The following ANKRD44 variants were observed in gnomAD, a reference collection of about 807,000 sequenced individuals.
ANKRD44 encodes the protein serine/threonine-protein phosphatase 6 regulatory ankyrin repeat subunit B.
Under a neutral mutation model 116.0 loss-of-function variants are expected in ANKRD44, and 35 were observed. That is an observed-to-expected ratio of 0.30 (90% CI 0.23 to 0.40). ANKRD44 has a LOEUF of 0.40. Ranked by LOEUF, ANKRD44 falls within the 10% of genes least tolerant of loss-of-function variation. ANKRD44 has a pLI of 1.00. For missense variants in ANKRD44, 1,014 were observed against 1,242.6 expected, an observed-to-expected ratio of 0.82 and a Z score of 2.77; for synonymous variants, 435 against 461.8, an observed-to-expected ratio of 0.94 and a Z score of 0.74.
In ANKRD44 at chr2:197,081,648, G is replaced by T. The variant is rs772774703; in HGVS notation, c.1535C>A (p.Thr512Lys). The stretch of plus-strand genomic sequence containing the variant: ...CTTAAGCTGAGAAGAAACTTACAGT[G>T]TGGCTTCCTTTTCCTTCAGCTCCCT... ...RARELKEKEA[T>K]LCLEFLLQND... The change falls in exon 15 of 28, where the codon ACA becomes AAA. Residue 512 changes from threonine to lysine, a missense_variant. Thr to Lys is a moderately conservative substitution (Grantham distance 78). Transcript: ENST00000282272. 11 of 1,613,340 alleles carry T rather than the reference G, an allele frequency of 6.8e-6. No individual in the cohort carries two copies. The African/African-American group carries it at 1.1e-4, about 16-fold the overall frequency.
At chr2:197,016,024 G>GA (rs2076386280) in intron 17 of ANKRD44, 1 of 534,304 alleles carries the variant, frequency 1.9e-6, no homozygotes, top group South Asian at 1.4e-5. Flanking sequence ...AAAAACAGCA[G>GA]AAAAGGGCTA....
chr2:197,308,709 T>G (rs978716748), intron 1 of ANKRD44, among the ~76,000 whole-genome samples: 1 of 152,238 alleles, frequency 6.6e-6, no homozygotes, highest in Admixed American at 6.5e-5. Context: ...AAAGGCAACA[T>G]CTTTGAAATT....
At chr2:197,082,236 G>A (rs2077814023) in intron 14 of ANKRD44, among the ~76,000 whole-genome samples, 3 of 152,112 alleles carry the variant, frequency 2.0e-5, no homozygotes, top group Admixed American at 1.3e-4. Flanking sequence ...CCAATGAATT[G>A]CCTGGAGCTT....
intron 1 of ANKRD44, among the ~76,000 whole-genome samples, chr2:197,256,322 CAA>C (rs1271048994): frequency 6.6e-6 from 1 of 152,176 alleles, no homozygotes; most frequent in Non-Finnish European, 1.5e-5. Flanking sequence ...AGCATGAGTA[CAA>C]AAGATTCCTG....
In ANKRD44 at chr2:196,996,298, A is replaced by G. The variant is rs184984772; in HGVS notation, c.2749-837T>C. Among the ~76,000 whole-genome samples the G allele has an allele frequency of 8.1e-4, 124 of 152,348 alleles. 1 individual carries two copies. The highest frequency in any genetic ancestry group is 2.7e-3 in the African/African-American group (114 of 41,590). On this transcript the variant is annotated intron_variant, in intron 25 of 27. Transcript: ENST00000282272. ...TTGCACTTATATTCACCAAAATACT[A>G]TACCTTGAAATAAACTTCATAAGGC...
chr2:197,238,213 C>A (rs1474140316), intron 1 of ANKRD44, among the ~76,000 whole-genome samples: 1 of 152,174 alleles, frequency 6.6e-6, no homozygotes. Context: ...ACAGACTATG[C>A]CTGTTTGGCT....
In ANKRD44 at chr2:197,280,944, G is replaced by T. The variant is rs144787728; in HGVS notation, c.27+29634C>A. Among the ~76,000 whole-genome samples, 470 of 151,778 alleles carry T rather than the reference G, an allele frequency of 3.1e-3. 4 individuals carry two copies. Among genetic ancestry groups the T allele is most frequent in the African/African-American group, 0.011 (442 of 41,428 alleles). ...AGTCTGGTCAGTGGGGCCCAAAAAAGAAAATAAAATAAAAATAATTTTTAA... is the reference window on the plus strand; with the variant it reads ...AGTCTGGTCAGTGGGGCCCAAAAAATAAAATAAAATAAAAATAATTTTTAA... On this transcript the variant is annotated intron_variant, in intron 1 of 27. Coordinates refer to ENST00000282272, the MANE Select transcript of ANKRD44 (RefSeq NM_001195144.2).
At chr2:197,157,135 T>C (rs142720932) in intron 2 of ANKRD44, among the ~76,000 whole-genome samples, 265 of 151,988 alleles carry the variant, frequency 1.7e-3, no homozygotes, top group African/African-American at 5.4e-3. Flanking sequence ...CATAAATACA[T>C]AAGCAGGCAA....
intron 4 of ANKRD44, among the ~76,000 whole-genome samples, chr2:197,127,943 T>C (rs2079013491): frequency 6.6e-6 from 1 of 152,166 alleles, no homozygotes; most frequent in African/African-American, 2.4e-5. Flanking sequence ...TCTGAGTTAG[T>C]TTGCTAAGGA....
At chr2:197,260,233 C>A (rs1259251003) in intron 1 of ANKRD44, among the ~76,000 whole-genome samples, 1 of 152,088 alleles carries the variant, frequency 6.6e-6, no homozygotes, top group African/African-American at 2.4e-5. Context: ...ATCCTCCCCA[C>A]TCCCCCCACT....
chr2:197,147,975 C>A (rs773621070), intron 2 of ANKRD44: 1 of 400,336 alleles, frequency 2.5e-6, no homozygotes, highest in Non-Finnish European at 5.1e-6. Flanking sequence ...CTGACCTTCA[C>A]CCAGCAGACT....
intron 1 of ANKRD44, among the ~76,000 whole-genome samples, chr2:197,247,347 G>C (rs2082215352): frequency 6.6e-6 from 1 of 152,184 alleles, no homozygotes; most frequent in Non-Finnish European, 1.5e-5. Context: ...ATTGGGTGGG[G>C]TAGCTGGGCA....
intron 2 of ANKRD44, among the ~76,000 whole-genome samples, chr2:197,155,285 C>T (rs751421985): frequency 3.5e-4 from 53 of 152,338 alleles, no homozygotes; most frequent in Non-Finnish European, 6.2e-4. Context: ...TGTCCAGAGT[C>T]ACAAAGCTAG....
At chr2:196,995,808 T>C (rs1424955629) in intron 25 of ANKRD44, among the ~76,000 whole-genome samples, 3 of 152,216 alleles carry the variant, frequency 2.0e-5, no homozygotes, top group Admixed American at 6.5e-5. Context: ...CTGAATCCTA[T>C]AACATTTAGC....
chr2:197,276,926 ATTT>A (rs371691153), intron 1 of ANKRD44, among the ~76,000 whole-genome samples: 171 of 135,982 alleles, frequency 1.3e-3, no homozygotes, highest in African/African-American at 3.0e-3. Flanking sequence ...GAACCCAGGA[ATTT>A]TTTTTTTTTT....
At chr2:197,237,913 GC>G (rs1559174840) in intron 1 of ANKRD44, among the ~76,000 whole-genome samples, 1 of 152,114 alleles carries the variant, frequency 6.6e-6, no homozygotes, top group Non-Finnish European at 1.5e-5. Flanking sequence ...AAATGCTGCA[GC>G]CCCTCCCTTC....
chr2:197,150,564 A>G lies in ANKRD44; in HGVS notation c.112-3459T>C, dbSNP rs146509274. 5.6e-4 allele frequency among the ~76,000 whole-genome samples: 86 copies of G among 152,280 alleles called. 1 individual carries two copies. Among genetic ancestry groups the G allele is most frequent in the Non-Finnish European group, 5.9e-5 (4 of 68,026 alleles). Reference sequence around the variant, plus strand: ...ACTCCATCTCAAAAAAAAGAAAAAAAATGAAAGCAAGAGCATCTTAGAAGT... The same window carrying G: ...ACTCCATCTCAAAAAAAAGAAAAAAGATGAAAGCAAGAGCATCTTAGAAGT... On this transcript the variant is annotated intron_variant, in intron 2 of 27. Transcript: ENST00000282272.
chr2:197,215,299 T>C (rs1482434662), intron 1 of ANKRD44, among the ~76,000 whole-genome samples: 1 of 152,256 alleles, frequency 6.6e-6, no homozygotes, highest in Non-Finnish European at 1.5e-5. Flanking sequence ...TACTGTTTAC[T>C]GAACAACATT....
At chr2:197,271,322 G>A (rs1574410633) in intron 1 of ANKRD44, among the ~76,000 whole-genome samples, 1 of 152,186 alleles carries the variant, frequency 6.6e-6, no homozygotes, top group Non-Finnish European at 1.5e-5. Flanking sequence ...GCCTGAGGGA[G>A]CTTGTTCCTT....
Sources: gnomAD v4.1 joint callset for allele counts (sites outside exome capture counted in the v4.1 genomes callset) on GRCh38, gnomAD v4.1.1 for gene constraint, MANE v1.5 for transcripts, NCBI Gene and HGNC (gene_info 2026-07-23, HGNC 2026-07-21) for gene names.